Variants in CSGALNACT1 observed in about 807,000 individuals in gnomAD.
The protein encoded by CSGALNACT1 is chondroitin sulfate N-acetylgalactosaminyltransferase 1, also known as beta4GalNAcT-1.
In CSGALNACT1, 52 loss-of-function variants were observed where a neutral mutation model predicts 51.0. The ratio of observed to expected loss-of-function variants is 1.02; its 90% CI spans 0.82 to 1.29. CSGALNACT1 has a LOEUF of 1.29. Ranked by LOEUF, CSGALNACT1 falls within the 50% of genes most tolerant of loss-of-function variation. The probability of loss-of-function intolerance (pLI) is 0.00; values close to 1 mark genes in which losing one functional copy is unlikely to be tolerated. For missense variants in CSGALNACT1, 935 were observed against 679.2 expected, an observed-to-expected ratio of 1.38 and a Z score of -4.19; for synonymous variants, 341 against 254.4, an observed-to-expected ratio of 1.34 and a Z score of -3.24.
At chr8:19,539,809 C>T (rs963233392) in intron 3 of CSGALNACT1, among the ~76,000 whole-genome samples, 1 of 152,176 alleles carries the variant, frequency 6.6e-6, no homozygotes, top group Admixed American at 6.5e-5. Context: ...CCTCCTACAC[C>T]CCTGCTGAGG....
chr8:19,562,332 G>A (rs1389549383), intron 3 of CSGALNACT1, among the ~76,000 whole-genome samples: 3 of 151,932 alleles, frequency 2.0e-5, no homozygotes, highest in Non-Finnish European at 4.4e-5. Flanking sequence ...ACATAGAATA[G>A]TAATGACTTA....
At chr8:19,627,473 C>T (rs1422693935) in intron 1 of CSGALNACT1, among the ~76,000 whole-genome samples, 1 of 152,024 alleles carries the variant, frequency 6.6e-6, no homozygotes, top group Non-Finnish European at 1.5e-5. Flanking sequence ...AGTAGTTACA[C>T]ACATCTAGAG....
At chr8:19,626,733 A>G (rs2154166567) in intron 1 of CSGALNACT1, among the ~76,000 whole-genome samples, 1 of 152,346 alleles carries the variant, frequency 6.6e-6, no homozygotes, top group South Asian at 2.1e-4. Flanking sequence ...TAAATAGTAA[A>G]CAATCTAAGT....
At chr8:19,458,769 T>G in intron 4 of CSGALNACT1, 127 bp from the exon 4 acceptor site, 1 of 903,536 alleles carries the variant, frequency 1.1e-6, no homozygotes, top group Non-Finnish European at 1.8e-6. Flanking sequence ...CAACAATTAT[T>G]CGAAAATTCA....
chr8:19,540,950 C>T (rs558632922), intron 3 of CSGALNACT1, among the ~76,000 whole-genome samples: 5 of 152,350 alleles, frequency 3.3e-5, no homozygotes, highest in African/African-American at 1.2e-4. Context: ...TCTCAACACT[C>T]TCCAAGCCCC....
Position 19,513,436 on chromosome 8 carries a change from C to CTCTCTCTCTCTA in CSGALNACT1, c.-296-7307_-296-7306insTAGAGAGAGAGA. Among the ~76,000 whole-genome samples, 242 of 81,942 alleles carry CTCTCTCTCTCTA rather than the reference C, an allele frequency of 3.0e-3. 3 individuals carry two copies. Among genetic ancestry groups the CTCTCTCTCTCTA allele is most frequent in the East Asian group, 0.013 (17 of 1,266 alleles). The allele number at this position is 81,942 out of a possible 152,430, so 53.8% of individuals were successfully genotyped here. On this transcript the variant is annotated intron_variant, in intron 3 of 9. Transcript: ENST00000454498. ...TCTCACTCTCTCTCTCTCTCTCTCT[C>CTCTCTCTCTCTA]TATATATATATATATATATATATAT... is the stretch of plus-strand genomic sequence containing the variant.
intron 1 of CSGALNACT1, among the ~76,000 whole-genome samples, chr8:19,711,263 G>A (rs189380296): frequency 2.0e-5 from 3 of 152,100 alleles, no homozygotes; most frequent in African/African-American, 4.8e-5. Flanking sequence ...TTTTAAAACC[G>A]ATATTTTTAT....
intron 1 of CSGALNACT1, among the ~76,000 whole-genome samples, chr8:19,636,478 C>T (rs2056082102): frequency 6.6e-6 from 1 of 152,184 alleles, no homozygotes; most frequent in Admixed American, 6.5e-5. Flanking sequence ...CTATAATCAG[C>T]ACCACTTTAT....
At chr8:19,726,745 A>G (rs1178741627) in intron 1 of CSGALNACT1, among the ~76,000 whole-genome samples, 1 of 152,226 alleles carries the variant, frequency 6.6e-6, no homozygotes, top group Non-Finnish European at 1.5e-5. Flanking sequence ...TGGAAGGAAA[A>G]CATCAAACTT....
chr8:19,676,812 G>C (rs1199900001), intron 1 of CSGALNACT1, among the ~76,000 whole-genome samples: 2 of 152,200 alleles, frequency 1.3e-5, no homozygotes, highest in African/African-American at 4.8e-5. Flanking sequence ...CTTTCAGGAA[G>C]ACAACTGGGA....
chr8:19,536,383 A>T (rs1006439488), intron 3 of CSGALNACT1, among the ~76,000 whole-genome samples: 4 of 152,316 alleles, frequency 2.6e-5, no homozygotes, highest in African/African-American at 9.6e-5. Context: ...AGCAATCAAC[A>T]TATGGACACT....
intron 2 of CSGALNACT1, among the ~76,000 whole-genome samples, chr8:19,595,658 G>C (rs896531186): frequency 4.6e-5 from 7 of 151,828 alleles, no homozygotes; most frequent in Admixed American, 2.6e-4. Flanking sequence ...GCTCACACCT[G>C]TAATCCCAGC....
chr8:19,494,134 T>C (rs1488511193), intron 4 of CSGALNACT1, among the ~76,000 whole-genome samples: 1 of 152,214 alleles, frequency 6.6e-6, no homozygotes, highest in Admixed American at 6.5e-5. Flanking sequence ...TGCTTAATTC[T>C]TCAGGTTTAT....
At chr8:19,598,827 G>A (rs1031086475) in intron 2 of CSGALNACT1, among the ~76,000 whole-genome samples, 4 of 152,184 alleles carry the variant, frequency 2.6e-5, no homozygotes, top group African/African-American at 9.7e-5. Context: ...GGTGCCAGAG[G>A]ACTAAGTGGA....
At chr8:19,418,580 C>T (rs1244793168) in intron 8 of CSGALNACT1, 76 bp downstream of exon 7, 3 of 966,530 alleles carry the variant, frequency 3.1e-6, no homozygotes, top group African/African-American at 3.2e-5. Flanking sequence ...CTCACCTTTG[C>T]TCATGGTCAG....
chr8:19,628,566 T>C (rs896571209), intron 1 of CSGALNACT1, among the ~76,000 whole-genome samples: 4 of 152,146 alleles, frequency 2.6e-5, no homozygotes, highest in Admixed American at 6.5e-5. Flanking sequence ...TTTAAGTGAA[T>C]TGAGCAAGGA....
intron 1 of CSGALNACT1, among the ~76,000 whole-genome samples, chr8:19,726,168 A>G (rs368829053): frequency 6.6e-6 from 1 of 152,336 alleles, no homozygotes; most frequent in East Asian, 1.9e-4. Context: ...TATAAGCTCC[A>G]TGTATTTGGA....
rs576519327 is a variant in CSGALNACT1 at position 19,536,674 on chromosome 8, C to T, written c.-296-30544G>A. On this transcript the variant is annotated intron_variant, in intron 3 of 9. Transcript: ENST00000454498. ...GTACATATGAAGATTATAGAATCTACGTAAGAAAGCAAAAGAGCTAGAACA... is the reference window on the plus strand; with the variant it reads ...GTACATATGAAGATTATAGAATCTATGTAAGAAAGCAAAAGAGCTAGAACA... Among the ~76,000 whole-genome samples, 8 of 152,050 alleles carry T rather than the reference C, an allele frequency of 5.3e-5. No homozygotes were observed. In the South Asian group the frequency reaches 8.3e-4, roughly 16 times the overall value.
chr8:19,752,424 T>C (rs2154254116), intron 1 of CSGALNACT1, among the ~76,000 whole-genome samples: 1 of 152,274 alleles, frequency 6.6e-6, no homozygotes, highest in East Asian at 1.9e-4. Context: ...CACAGCCCTG[T>C]GTACGTATGT....
Sources: gnomAD v4.1 joint callset for allele counts (sites outside exome capture counted in the v4.1 genomes callset) on GRCh38, gnomAD v4.1.1 for gene constraint, MANE v1.5 for transcripts, NCBI Gene and HGNC (gene_info 2026-07-23, HGNC 2026-07-21) for gene names.